The following RAD18 variants were observed in gnomAD, a reference collection of about 807,000 sequenced individuals.
RAD18 encodes the protein E3 ubiquitin-protein ligase RAD18.
RAD18 carries 47 observed loss-of-function variants against 60.4 expected under a neutral mutation model. The ratio of observed to expected loss-of-function variants is 0.78; its 90% CI spans 0.62 to 0.99. RAD18 has a LOEUF of 0.99. Ranked by LOEUF, RAD18 falls within the 50% of genes least tolerant of loss-of-function variation. The pLI, the probability that RAD18 is intolerant of heterozygous loss-of-function variation, is 0.00. For missense variants in RAD18, 640 were observed against 593.3 expected, an observed-to-expected ratio of 1.08 and a Z score of -0.82; for synonymous variants, 225 against 195.5, an observed-to-expected ratio of 1.15 and a Z score of -1.26.
At position 8,877,413 on chromosome 3, in the gene RAD18, A is replaced by G. The variant is rs778523613; in HGVS notation, c.*3944T>C. 2.6e-5 allele frequency: 4 copies of G among 152,174 alleles called. No individual in the cohort carries two copies. The highest frequency in any genetic ancestry group is 5.9e-5 in the Non-Finnish European group (4 of 68,060). The allele number at this position is 152,174 out of a possible 1,614,324, so 9.4% of individuals were successfully genotyped here. Reference sequence around the variant, plus strand: ...CTCAAGCCCTTTTAGAAGGACCGTGACCCCATCTATAAGAGCTGTGCCCTC... The same window carrying G: ...CTCAAGCCCTTTTAGAAGGACCGTGGCCCCATCTATAAGAGCTGTGCCCTC... On this transcript the variant is annotated 3_prime_UTR_variant, in exon 13 of 13. Coordinates refer to ENST00000264926, the MANE Select transcript of RAD18 (RefSeq NM_020165.4).
chr3:8,928,728 G>A (rs1245001099), intron 7 of RAD18, among the ~76,000 whole-genome samples: 1 of 152,146 alleles, frequency 6.6e-6, no homozygotes, highest in East Asian at 1.9e-4. Context: ...TATCAGCAAG[G>A]ATGCTGAAGA....
chr3:8,952,902 T>A (rs1173643931), intron 2 of RAD18, among the ~76,000 whole-genome samples: 6 of 152,194 alleles, frequency 3.9e-5, no homozygotes, highest in South Asian at 2.1e-4. Context: ...TGACTTAACA[T>A]GGGATTACAT....
chr3:8,933,796 T>C (rs1490819445), intron 7 of RAD18, among the ~76,000 whole-genome samples: 3 of 152,156 alleles, frequency 2.0e-5, no homozygotes, highest in Non-Finnish European at 4.4e-5. Flanking sequence ...GTAATCCCAA[T>C]TTAAAAACTT....
chr3:8,892,304 G>T (rs772739909), intron 11 of RAD18, among the ~76,000 whole-genome samples: 2 of 152,132 alleles, frequency 1.3e-5, no homozygotes, highest in Non-Finnish European at 2.9e-5. Flanking sequence ...GTACATGAAC[G>T]TTACAGCTCC....
chr3:8,947,100 C>A, intron 4 of RAD18, 120 bp downstream of exon 4: 1 of 743,092 alleles, frequency 1.3e-6, no homozygotes, highest in Non-Finnish European at 2.2e-6. Context: ...CTGTTACTTC[C>A]CTTCTTTGAC....
chr3:8,925,636 G>A (rs1940419949), intron 7 of RAD18, among the ~76,000 whole-genome samples: 1 of 152,156 alleles, frequency 6.6e-6, no homozygotes, highest in Non-Finnish European at 1.5e-5. Flanking sequence ...CAATACCCCT[G>A]ATGAACATCG....
At chr3:8,928,163 G>A (rs1480870003) in intron 7 of RAD18, among the ~76,000 whole-genome samples, 1 of 149,212 alleles carries the variant, frequency 6.7e-6, no homozygotes. Flanking sequence ...TAGTAAACTA[G>A]AACAATCACC....
At chr3:8,902,595 C>T in intron 9 of RAD18, 75 bp from the exon 10 acceptor site, 1 of 1,427,174 alleles carries the variant, frequency 7.0e-7, no homozygotes, top group Non-Finnish European at 9.4e-7. Context: ...AACTGAATAT[C>T]AAGAGGTGTA....
At chr3:8,929,516 C>T (rs890310930) in intron 7 of RAD18, among the ~76,000 whole-genome samples, 1 of 152,090 alleles carries the variant, frequency 6.6e-6, no homozygotes, top group Non-Finnish European at 1.5e-5. Context: ...TGAACACATT[C>T]CTTGCTAAAG....
At chr3:8,915,218 G>C (rs1940179014) in intron 7 of RAD18, among the ~76,000 whole-genome samples, 1 of 151,784 alleles carries the variant, frequency 6.6e-6, no homozygotes, top group Non-Finnish European at 1.5e-5. Flanking sequence ...TCTTCAGGGA[G>C]ATTTCTGATT....
intron 9 of RAD18, among the ~76,000 whole-genome samples, chr3:8,909,888 G>C (rs984805244): frequency 6.6e-6 from 1 of 152,142 alleles, no homozygotes; most frequent in East Asian, 1.9e-4. Flanking sequence ...AATTCGTTTT[G>C]GGCTGCATTC....
Position 8,881,181 on chromosome 3 carries a change from G to A in RAD18, c.*176C>T, listed in dbSNP as rs545148080. The A allele has an allele frequency of 5.1e-6, 3 of 582,808 alleles. No individual in the cohort carries two copies. Among genetic ancestry groups the A allele is most frequent in the African/African-American group, 3.8e-5 (2 of 52,642 alleles). 36.1% of individuals were successfully genotyped at this position (582,808 alleles called of 1,614,324 possible). On this transcript the variant is annotated 3_prime_UTR_variant, in exon 13 of 13. Transcript: ENST00000264926. Reference sequence around the variant, plus strand: ...AGGCAGGAGGCAACTGACCAAGTAAGGATATTTTGTAACATTTTTCCCCTC... The same window carrying A: ...AGGCAGGAGGCAACTGACCAAGTAAAGATATTTTGTAACATTTTTCCCCTC...
intron 7 of RAD18, among the ~76,000 whole-genome samples, chr3:8,933,369 T>C (rs9832911): frequency 0.018 from 2,734 of 152,232 alleles, 76 homozygotes; most frequent in African/African-American, 0.063. Flanking sequence ...ATGAAGGAAA[T>C]GTTCTACATT....
At chr3:8,960,816 C>G (rs552734427) in intron 1 of RAD18, among the ~76,000 whole-genome samples, 39 of 152,172 alleles carry the variant, frequency 2.6e-4, no homozygotes, top group Non-Finnish European at 5.0e-4. Flanking sequence ...AACACTGGTT[C>G]TCTGGGTGGT....
chr3:8,953,934 T>TA (rs935460494), intron 2 of RAD18, among the ~76,000 whole-genome samples: 83 of 152,326 alleles, frequency 5.4e-4, no homozygotes, highest in Middle Eastern at 3.4e-3. Context: ...ATGTTCCCCT[T>TA]ACGAAACCTT....
chr3:8,897,195 A>T (rs1939801375), intron 11 of RAD18, among the ~76,000 whole-genome samples: 1 of 152,220 alleles, frequency 6.6e-6, no homozygotes, highest in Non-Finnish European at 1.5e-5. Context: ...GCAGGGAAAC[A>T]AAATAAGGAT....
intron 7 of RAD18, among the ~76,000 whole-genome samples, chr3:8,916,356 G>C (rs1940199905): frequency 2.0e-5 from 3 of 152,170 alleles, no homozygotes; most frequent in Admixed American, 2.0e-4. Context: ...AACCTAGCAT[G>C]ATCCAAGTGA....
chr3:8,944,552 A>C (rs927030373), intron 4 of RAD18, among the ~76,000 whole-genome samples: 4 of 145,322 alleles, frequency 2.8e-5, no homozygotes, highest in Non-Finnish European at 4.5e-5. Flanking sequence ...GAGGAAGGGA[A>C]GGAAAGGGAG....
At chr3:8,901,396 C>G (rs1235767186) in intron 10 of RAD18, among the ~76,000 whole-genome samples, 2 of 152,036 alleles carry the variant, frequency 1.3e-5, no homozygotes, top group Non-Finnish European at 2.9e-5. Context: ...GTGGAAATAA[C>G]CATAGCAGAT....
Sources: gnomAD v4.1 joint callset for allele counts (sites outside exome capture counted in the v4.1 genomes callset) on GRCh38, gnomAD v4.1.1 for gene constraint, MANE v1.5 for transcripts, NCBI Gene and HGNC (gene_info 2026-07-23, HGNC 2026-07-21) for gene names.